The following TRAPPC12 variants were observed in gnomAD, a reference collection of about 807,000 sequenced individuals.
TRAPPC12 encodes trafficking protein particle complex subunit 12.
In TRAPPC12, 61 loss-of-function variants were observed where a neutral mutation model predicts 69.2. The ratio of observed to expected loss-of-function variants is 0.88; its 90% CI spans 0.72 to 1.09. The LOEUF is 1.09. Ranked by LOEUF, TRAPPC12 falls within the 50% of genes least tolerant of loss-of-function variation. The pLI is 0.00. For synonymous variants in TRAPPC12, 469 were observed against 438.9 expected (o/e 1.07, Z -0.86); for missense variants, 1,101 against 1,016.4 (o/e 1.08, Z -1.13).
intron 5 of TRAPPC12, among the ~76,000 whole-genome samples, chr2:3,425,358 G>C (rs765916410): frequency 7.2e-5 from 11 of 152,242 alleles, no homozygotes; most frequent in Non-Finnish European, 1.3e-4. Flanking sequence ...TGTGAGGGCA[G>C]TGTAAGCAGC....
chr2:3,451,498 A>G (rs953016882), intron 6 of TRAPPC12, among the ~76,000 whole-genome samples: 2 of 152,066 alleles, frequency 1.3e-5, no homozygotes, highest in African/African-American at 4.8e-5. Context: ...CCAATGAAGA[A>G]CCCAGTTCAG....
intron 10 of TRAPPC12, among the ~76,000 whole-genome samples, chr2:3,478,265 G>C (rs768587822): frequency 2.6e-5 from 4 of 152,274 alleles, no homozygotes; most frequent in Admixed American, 1.3e-4. Flanking sequence ...GGATCAGAAA[G>C]CGTAAATAAA....
At chr2:3,468,159 C>T (rs1383195112) in intron 9 of TRAPPC12, among the ~76,000 whole-genome samples, 5 of 152,076 alleles carry the variant, frequency 3.3e-5, no homozygotes, top group African/African-American at 9.7e-5. Flanking sequence ...TTTGACCTCT[C>T]GTGGGCTGTT....
chr2:3,437,040 C>CA (rs1663845550), intron 5 of TRAPPC12, among the ~76,000 whole-genome samples: 1 of 27,314 alleles, frequency 3.7e-5, no homozygotes, highest in Non-Finnish European at 7.2e-5. Flanking sequence ...ATTAATACCC[C>CA]ATCACCCCTG....
At chr2:3,479,055 G>A (rs917556113) in intron 11 of TRAPPC12, 122 bp downstream of exon 11, 8 of 1,481,362 alleles carry the variant, frequency 5.4e-6, no homozygotes, top group Non-Finnish European at 4.6e-6. Context: ...GCTCCAGGCA[G>A]TGGCTGTGGC....
chr2:3,390,915 C>A (rs1199942151), intron 2 of TRAPPC12, among the ~76,000 whole-genome samples: 1 of 152,112 alleles, frequency 6.6e-6, no homozygotes, highest in Admixed American at 6.5e-5. Flanking sequence ...TAAAATCTTC[C>A]TCTGATCATT....
chr2:3,427,750 G>A (rs899658977), intron 5 of TRAPPC12, among the ~76,000 whole-genome samples: 5 of 152,150 alleles, frequency 3.3e-5, no homozygotes, highest in Middle Eastern at 3.2e-3. Context: ...AAAATTAGCC[G>A]GACATGGTGG....
chr2:3,401,754 T>G lies in TRAPPC12; in HGVS notation c.1048-23T>G, dbSNP rs2103468977. 4.7e-6 allele frequency: 7 copies of G among 1,487,588 alleles called. No homozygotes were observed. The East Asian group carries it at 1.7e-4, about 35-fold the overall frequency. 92.1% of individuals were successfully genotyped at this position (1,487,588 alleles called of 1,614,324 possible). A position where few individuals can be genotyped will look rare whatever the true frequency, so the allele number is the denominator to read the frequency against. The stretch of plus-strand genomic sequence containing the variant: ...TAGTTGACATTTTATTGTCTTGACA[T>G]ATTTTTCTTCTATTCTTCCCAGGGA... On this transcript the variant is annotated intron_variant, in intron 2 of 11. Coordinates refer to ENST00000324266, the MANE Select transcript of TRAPPC12 (RefSeq NM_016030.6).
chr2:3,432,826 T>C (rs1663514441), intron 5 of TRAPPC12, among the ~76,000 whole-genome samples: 1 of 152,224 alleles, frequency 6.6e-6, no homozygotes, highest in Non-Finnish European at 1.5e-5. Context: ...GACCTCTCCT[T>C]ATCCTGTCTG....
intron 8 of TRAPPC12, among the ~76,000 whole-genome samples, chr2:3,464,153 C>T (rs926752725): frequency 1.3e-5 from 2 of 151,846 alleles, no homozygotes; most frequent in Non-Finnish European, 1.5e-5. Context: ...CACACACATG[C>T]TCACACACAC....
intron 2 of TRAPPC12, among the ~76,000 whole-genome samples, chr2:3,391,453 CAATT>C (rs1660820769): frequency 6.6e-6 from 1 of 152,104 alleles, no homozygotes; most frequent in African/African-American, 2.4e-5. Flanking sequence ...GAAATGAAGC[CAATT>C]AATTTTTTCA....
chr2:3,440,989 C>T (rs1394060358), intron 5 of TRAPPC12, among the ~76,000 whole-genome samples: 2 of 152,118 alleles, frequency 1.3e-5, no homozygotes, highest in Non-Finnish European at 2.9e-5. Context: ...CCCCTGCATA[C>T]CTGGAATAAA....
intron 8 of TRAPPC12, among the ~76,000 whole-genome samples, chr2:3,461,662 C>T (rs1665508492): frequency 6.6e-6 from 1 of 152,252 alleles, no homozygotes; most frequent in African/African-American, 2.4e-5. Flanking sequence ...GCTGCCACTC[C>T]TGAGATAGTC....
chr2:3,389,215 A>G (rs946802627), intron 2 of TRAPPC12, among the ~76,000 whole-genome samples: 2 of 152,094 alleles, frequency 1.3e-5, no homozygotes, highest in African/African-American at 4.8e-5. Flanking sequence ...CCAGCTGGAG[A>G]CCTCCGTGGT....
chr2:3,390,221 C>G (rs1055685844), intron 2 of TRAPPC12, among the ~76,000 whole-genome samples: 14 of 152,216 alleles, frequency 9.2e-5, no homozygotes, highest in Non-Finnish European at 2.9e-5. Context: ...ACACTCGAGT[C>G]ATTTCCGTTT....
rs893924447 is a variant in TRAPPC12 at position 3,443,608 on chromosome 2, G to A, written c.1418-171G>A. 1.4e-5 allele frequency: 9 copies of A among 648,860 alleles called. No homozygotes were observed. The African/African-American group carries it at 1.6e-4, about 12-fold the overall frequency. 40.2% of individuals were successfully genotyped at this position (648,860 alleles called of 1,614,324 possible). A position where few individuals can be genotyped will look rare whatever the true frequency, so the allele number is the denominator to read the frequency against. On this transcript the variant is annotated intron_variant, in intron 5 of 11. Coordinates refer to ENST00000324266, the MANE Select transcript of TRAPPC12 (RefSeq NM_016030.6). ...AGACATACATACATAGAGCTCCATAGAGAAAACCAGCATGTATTTTATAGT... is the reference window on the plus strand; with the variant it reads ...AGACATACATACATAGAGCTCCATAAAGAAAACCAGCATGTATTTTATAGT...
chr2:3,468,996 G>T (rs1246147566), intron 9 of TRAPPC12, among the ~76,000 whole-genome samples: 1 of 152,136 alleles, frequency 6.6e-6, no homozygotes, highest in Non-Finnish European at 1.5e-5. Context: ...ACTGCGCTCT[G>T]TTTTAAGGAG....
chr2:3,424,707 G>T, intron 5 of TRAPPC12, 44 bp downstream of exon 5: 10 of 1,522,664 alleles, frequency 6.6e-6, no homozygotes, highest in African/African-American at 1.4e-5. Flanking sequence ...TCTGTGTGTC[G>T]CTCTGGTTTG....
chr2:3,435,289 C>T (rs982281025), intron 5 of TRAPPC12, among the ~76,000 whole-genome samples: 3 of 152,110 alleles, frequency 2.0e-5, no homozygotes, highest in African/African-American at 7.2e-5. Context: ...GCTGGGATTA[C>T]AGGCGTGAGC....
Sources: allele counts gnomAD v4.1 joint callset (sites outside exome capture counted in the v4.1 genomes callset), GRCh38; gene constraint gnomAD v4.1.1; transcripts MANE v1.5; gene names NCBI Gene and HGNC (gene_info 2026-07-23, HGNC 2026-07-21).